Variants in AKAP7 observed in about 807,000 individuals in gnomAD.
AKAP7 encodes A-kinase anchoring protein 7.
AKAP7 carries 39 observed loss-of-function variants against 39.5 expected under a neutral mutation model. That is an observed-to-expected ratio of 0.99 (90% CI 0.76 to 1.29). The LOEUF is 1.29. Among genes scored for constraint, AKAP7 ranks in the 50% most tolerant of loss-of-function variants. The pLI is 0.00. For missense variants in AKAP7, 414 were observed against 407.7 expected, an observed-to-expected ratio of 1.02 and a Z score of -0.13; for synonymous variants, 140 against 139.1, an observed-to-expected ratio of 1.01 and a Z score of -0.05.
chr6:131,265,639 C>CA (rs1322172336), intron 7 of AKAP7, among the ~76,000 whole-genome samples: 9 of 150,858 alleles, frequency 6.0e-5, no homozygotes, highest in South Asian at 4.2e-4. Flanking sequence ...CATTTTAGAA[C>CA]AAAAAAAAAT....
At chr6:131,134,522 TTA>T (rs1800405060), upstream of AKAP7, among the ~76,000 whole-genome samples, 1 of 152,244 alleles carries the variant, frequency 6.6e-6, no homozygotes, top group African/African-American at 2.4e-5. Context: ...TTCTCTGCTA[TTA>T]TATGATCAGC....
chr6:131,148,490 A>C (rs1327176183), intron 2 of AKAP7, among the ~76,000 whole-genome samples: 1 of 151,950 alleles, frequency 6.6e-6, no homozygotes. Context: ...CGTTTATCTC[A>C]TAGTGTTGCT....
chr6:131,169,281 A>G lies in AKAP7; in HGVS notation c.589+8A>G. On this transcript the variant is annotated splice_region_variant and intron_variant, in intron 5 of 7. Coordinates refer to ENST00000431975, the MANE Select transcript of AKAP7 (RefSeq NM_016377.4). Reference sequence around the variant, plus strand: ...CACTTTTGGAGATAGCAGGTAAAACAGCAACACACTCATATGAAATCTTGT... The same window carrying G: ...CACTTTTGGAGATAGCAGGTAAAACGGCAACACACTCATATGAAATCTTGT... 1.9e-6 allele frequency: 3 copies of G among 1,613,304 alleles called. No homozygotes were observed. The highest frequency in any genetic ancestry group is 1.7e-4 in the Middle Eastern group (1 of 6,054).
chr6:131,146,792 TG>T (rs985094839), intron 2 of AKAP7, among the ~76,000 whole-genome samples: 3 of 152,200 alleles, frequency 2.0e-5, no homozygotes, highest in Non-Finnish European at 4.4e-5. Flanking sequence ...ATTCACACGG[TG>T]GGAAAGAACT....
intron 5 of AKAP7, among the ~76,000 whole-genome samples, chr6:131,175,867 T>A (rs1298504604): frequency 6.6e-6 from 1 of 152,202 alleles, no homozygotes; most frequent in Non-Finnish European, 1.5e-5. Context: ...TACTTTTTAA[T>A]TCAATTGTAC....
Position 131,135,637 on chromosome 6 carries a change from C to CTTCTCCGAGTCTCCCTCCTTCCCAA in AKAP7, c.-127_-126insTTCTCCGAGTCTCCCTCCTTCCCAA. The CTTCTCCGAGTCTCCCTCCTTCCCAA allele has an allele frequency of 1.2e-6, 1 of 866,782 alleles. No individual in the cohort carries two copies. The highest frequency in any genetic ancestry group is 1.4e-6 in the Non-Finnish European group (1 of 716,588). 53.7% of individuals were successfully genotyped at this position (866,782 alleles called of 1,614,324 possible). ...CCTGTCGCTGGACCCCGCGCCGGCCCAGCGCACCGCCCTCAGGCCCCGAGC... is the reference window on the plus strand; with the variant it reads ...CCTGTCGCTGGACCCCGCGCCGGCCCTTCTCCGAGTCTCCCTCCTTCCCAAAGCGCACCGCCCTCAGGCCCCGAGC... On this transcript the variant is annotated 5_prime_UTR_variant, in exon 1 of 8. Transcript: ENST00000431975.
Position 131,165,050 on chromosome 6 carries a change from A to T in AKAP7, c.292-31A>T. 3 of 1,502,182 alleles carry T rather than the reference A, an allele frequency of 2.0e-6. No individual in the cohort carries two copies. The South Asian group carries it at 4.1e-5, about 20-fold the overall frequency. The allele number at this position is 1,502,182 out of a possible 1,614,324, so 93.1% of individuals were successfully genotyped here. A position where few individuals can be genotyped will look rare whatever the true frequency, so the allele number is the denominator to read the frequency against. On this transcript the variant is annotated intron_variant, in intron 3 of 7. Coordinates refer to ENST00000431975, the MANE Select transcript of AKAP7 (RefSeq NM_016377.4). ...AAATTTTGCTTACCTAATCACTGGA[A>T]TTTTTTTTATATGTGTGTATGTGTT...
chr6:131,223,715 T>G (rs1562225958), intron 7 of AKAP7, among the ~76,000 whole-genome samples: 1 of 152,156 alleles, frequency 6.6e-6, no homozygotes, highest in Non-Finnish European at 1.5e-5. Flanking sequence ...AAGGCCAACC[T>G]TATAAGAATT....
rs769069491 is a variant in AKAP7, at chr6:131,219,747, C to T, written c.789C>T (p.Cys263=). ...GEEILYRIDL[C]SMLKKKQSNG... ...AAATATTATATCGCATAGATCTTTG[C>T]TCCATGCTGAAGAAAAAACAAAGTA... The change falls in exon 7 of 8, where the codon TGC becomes TGT. Residue 263 remains cysteine, a synonymous_variant. Coordinates refer to ENST00000431975, the MANE Select transcript of AKAP7 (RefSeq NM_016377.4). 31 of 1,595,510 alleles carry T rather than the reference C, an allele frequency of 1.9e-5. No individual in the cohort carries two copies. The highest frequency in any genetic ancestry group is 3.3e-4 in the Middle Eastern group (2 of 6,030).
At chr6:131,183,817 A>G (rs1805531436) in intron 5 of AKAP7, among the ~76,000 whole-genome samples, 1 of 152,068 alleles carries the variant, frequency 6.6e-6, no homozygotes, top group African/African-American at 2.4e-5. Context: ...CTCTGGAGGA[A>G]GGAGGTGAGG....
chr6:131,226,611 T>C (rs1810185390), intron 7 of AKAP7, among the ~76,000 whole-genome samples: 1 of 152,264 alleles, frequency 6.6e-6, no homozygotes. Context: ...GGCAGCTGTG[T>C]TCCATTTGTA....
chr6:131,265,756 CTT>C (rs1418399863), intron 7 of AKAP7, among the ~76,000 whole-genome samples: 1 of 152,164 alleles, frequency 6.6e-6, no homozygotes, highest in African/African-American at 2.4e-5. Context: ...CTACATTTCA[CTT>C]TGTCAGTTTT....
intron 7 of AKAP7, among the ~76,000 whole-genome samples, chr6:131,236,749 T>G (rs1383421363): frequency 1.3e-5 from 2 of 152,198 alleles, no homozygotes; most frequent in Non-Finnish European, 2.9e-5. Context: ...TTTTGCACAT[T>G]CATTTTGTAT....
intron 4 of AKAP7, among the ~76,000 whole-genome samples, chr6:131,167,106 T>G (rs1205937536): frequency 6.6e-6 from 1 of 152,190 alleles, no homozygotes; most frequent in Non-Finnish European, 1.5e-5. Context: ...ATACAACCTT[T>G]GGGTCTGAAC....
chr6:131,256,550 A>G (rs1812867689), intron 7 of AKAP7, among the ~76,000 whole-genome samples: 1 of 152,152 alleles, frequency 6.6e-6, no homozygotes. Context: ...ATTGACTGCC[A>G]TGAGCTGTAT....
intron 5 of AKAP7, chr6:131,184,955 C>G: frequency 5.1e-6 from 4 of 790,576 alleles, no homozygotes; most frequent in Non-Finnish European, 9.2e-6. Flanking sequence ...ACCCCTTTCC[C>G]CGATGCTTGG....
At chr6:131,149,562 T>C (rs1301995765) in intron 2 of AKAP7, among the ~76,000 whole-genome samples, 1 of 152,132 alleles carries the variant, frequency 6.6e-6, no homozygotes, top group Admixed American at 6.5e-5. Flanking sequence ...TTGAATCTGG[T>C]AGGCAGAGGT....
intron 3 of AKAP7, among the ~76,000 whole-genome samples, chr6:131,162,740 T>C (rs1447575912): frequency 6.6e-6 from 1 of 152,204 alleles, no homozygotes; most frequent in African/African-American, 2.4e-5. Flanking sequence ...CTTCTCTGGC[T>C]GGAGCTTTCT....
At chr6:131,212,731 A>T (rs1808789329) in intron 6 of AKAP7, among the ~76,000 whole-genome samples, 2 of 152,156 alleles carry the variant, frequency 1.3e-5, no homozygotes, top group South Asian at 4.1e-4. Context: ...TAAGTAAGGT[A>T]TCCTATTGAG....
Sources: gnomAD v4.1 joint callset for allele counts (sites outside exome capture counted in the v4.1 genomes callset) on GRCh38, gnomAD v4.1.1 for gene constraint, MANE v1.5 for transcripts, NCBI Gene and HGNC (gene_info 2026-07-23, HGNC 2026-07-21) for gene names.